HS3ST4: variants seen among roughly 807,000 people sequenced by gnomAD.
The protein encoded by HS3ST4 is heparan sulfate-glucosamine 3-sulfotransferase 4.
In HS3ST4, 17 loss-of-function variants were observed where a neutral mutation model predicts 29.2. The ratio of observed to expected loss-of-function variants is 0.58; its 90% confidence interval spans 0.40 to 0.87. The LOEUF (loss-of-function observed/expected upper bound fraction) is 0.87. HS3ST4 is among the 40% of genes least tolerant of loss of function. The pLI, the probability that HS3ST4 is intolerant of heterozygous loss-of-function variation, is 0.00. For synonymous variants in HS3ST4, 314 were observed against 285.7 expected (o/e 1.10, Z -1.00); for missense variants, 627 against 634.5 (o/e 0.99, Z 0.13).
rs563366410 is a variant in HS3ST4 at position 26,011,832 on chromosome 16, T to G, written c.735-123780T>G. Among the ~76,000 whole-genome samples the G allele has an allele frequency of 1.2e-4, 19 of 152,072 alleles. No homozygotes were observed. In the South Asian group the frequency reaches 2.5e-3, roughly 20 times the overall value. ...CCCTGTTTCATTAATCTATTAGGAATACTAGGAAGGATATATGAGGTTGAG... is the reference window on the plus strand; with the variant it reads ...CCCTGTTTCATTAATCTATTAGGAAGACTAGGAAGGATATATGAGGTTGAG... On this transcript the variant is annotated intron_variant, in intron 1 of 1. Coordinates refer to ENST00000331351, the MANE Select transcript of HS3ST4 (RefSeq NM_006040.3).
chr16:25,710,729 C>T (rs1007206387), intron 1 of HS3ST4, among the ~76,000 whole-genome samples: 3 of 148,700 alleles, frequency 2.0e-5, no homozygotes, highest in Admixed American at 6.7e-5. Flanking sequence ...CAGAAAAAGG[C>T]AAAATTTAAA....
At chr16:26,094,890 C>T (rs1437095113) in intron 1 of HS3ST4, among the ~76,000 whole-genome samples, 1 of 151,714 alleles carries the variant, frequency 6.6e-6, no homozygotes, top group Non-Finnish European at 1.5e-5. Context: ...CAAAGATGCA[C>T]ATAGGCTCAA....
intron 1 of HS3ST4, among the ~76,000 whole-genome samples, chr16:25,874,081 C>T (rs889787989): frequency 1.6e-4 from 25 of 152,104 alleles, no homozygotes; most frequent in African/African-American, 5.3e-4. Flanking sequence ...TTTTAATTCC[C>T]CTGTCCTCTC....
At chr16:25,887,766 C>T (rs1205146967) in intron 1 of HS3ST4, among the ~76,000 whole-genome samples, 1 of 141,184 alleles carries the variant, frequency 7.1e-6, no homozygotes, top group East Asian at 2.1e-4. Context: ...GGTGCTATCT[C>T]GGCTCACTGC....
At chr16:26,062,793 A>T (rs1249462011) in intron 1 of HS3ST4, 1 of 249,446 alleles carries the variant, frequency 4.0e-6, no homozygotes, top group African/African-American at 2.3e-5. Flanking sequence ...CTAAATAAGA[A>T]ATAATTCCTG....
In HS3ST4 at chr16:25,915,000, C is replaced by T. The variant is rs143763942; in HGVS notation, c.735-220612C>T. ...ATTTCACCAGGAAATCTTAGTTATG[C>T]GGGCTGCGCTGTGCATTGAGACAGG... On this transcript the variant is annotated intron_variant, in intron 1 of 1. Transcript: ENST00000331351. 7.3e-3 allele frequency among the ~76,000 whole-genome samples: 1,115 copies of T among 152,024 alleles called. 18 individuals are homozygous for T. Among genetic ancestry groups the T allele is most frequent in the African/African-American group, 0.025 (1,040 of 41,434 alleles).
At chr16:25,816,305 C>T (rs1407219126) in intron 1 of HS3ST4, among the ~76,000 whole-genome samples, 3 of 152,136 alleles carry the variant, frequency 2.0e-5, no homozygotes, top group African/African-American at 4.8e-5. Context: ...ATCCTCCAGA[C>T]GCAAGGTGGA....
At chr16:26,067,094 G>T (rs1898551601) in intron 1 of HS3ST4, among the ~76,000 whole-genome samples, 1 of 152,166 alleles carries the variant, frequency 6.6e-6, no homozygotes, top group Non-Finnish European at 1.5e-5. Flanking sequence ...AGGCTGCACT[G>T]GTTGCCCAGA....
intron 1 of HS3ST4, among the ~76,000 whole-genome samples, chr16:25,843,004 C>T (rs9938297): frequency 0.017 from 2,554 of 152,238 alleles, 71 homozygotes; most frequent in African/African-American, 0.057. Context: ...GCAAAAAGCA[C>T]GGAGTCTTCC....
At chr16:26,085,608 C>T (rs1054659402) in intron 1 of HS3ST4, among the ~76,000 whole-genome samples, 3 of 152,100 alleles carry the variant, frequency 2.0e-5, no homozygotes, top group African/African-American at 7.2e-5. Context: ...CAGTGGCTCA[C>T]GCCTATAATC....
intron 1 of HS3ST4, among the ~76,000 whole-genome samples, chr16:25,895,054 G>A (rs1383394417): frequency 1.3e-5 from 2 of 152,130 alleles, no homozygotes; most frequent in African/African-American, 4.8e-5. Flanking sequence ...TGTGATGAGA[G>A]TTATAACAAG....
At chr16:26,057,492 C>T (rs1244770700) in intron 1 of HS3ST4, among the ~76,000 whole-genome samples, 8 of 152,152 alleles carry the variant, frequency 5.3e-5, no homozygotes, top group Non-Finnish European at 7.3e-5. Flanking sequence ...CGGTGGCTCA[C>T]GCCTGTAATC....
At chr16:25,857,628 G>A (rs1967586698) in intron 1 of HS3ST4, among the ~76,000 whole-genome samples, 1 of 152,066 alleles carries the variant, frequency 6.6e-6, no homozygotes, top group Non-Finnish European at 1.5e-5. Context: ...TAGTTTTAGG[G>A]CTTTCTATTG....
intron 1 of HS3ST4, among the ~76,000 whole-genome samples, chr16:25,907,420 A>T (rs1044269202): frequency 6.6e-6 from 1 of 152,134 alleles, no homozygotes; most frequent in Non-Finnish European, 1.5e-5. Context: ...TTTCCACATT[A>T]GAGGTCACCT....
chr16:26,038,753 G>A (rs1257217327), intron 1 of HS3ST4, among the ~76,000 whole-genome samples: 14 of 151,886 alleles, frequency 9.2e-5, no homozygotes, highest in African/African-American at 2.7e-4. Flanking sequence ...GTGCGATCTC[G>A]GCTCACTGCA....
chr16:25,976,601 T>C (rs889298442), intron 1 of HS3ST4, among the ~76,000 whole-genome samples: 2 of 152,186 alleles, frequency 1.3e-5, no homozygotes, highest in Non-Finnish European at 2.9e-5. Context: ...ATGTCTGGAA[T>C]AGAGTGACAG....
At chr16:25,873,272 GTCCATTCATCCATCCATCCA>G (rs1405009629) in intron 1 of HS3ST4, among the ~76,000 whole-genome samples, 2 of 139,078 alleles carry the variant, frequency 1.4e-5, no homozygotes, top group South Asian at 2.4e-4. Context: ...CCATCCATTT[GTCCATTCATCCATCCATCCA>G]TCCATCCATC....
chr16:25,860,397 A>T (rs1425838650), intron 1 of HS3ST4, among the ~76,000 whole-genome samples: 1 of 152,168 alleles, frequency 6.6e-6, no homozygotes, highest in African/African-American at 2.4e-5. Context: ...CCACACAAAA[A>T]CCTGCACATG....
At chr16:25,801,259 C>A (rs1006084919) in intron 1 of HS3ST4, among the ~76,000 whole-genome samples, 1 of 152,132 alleles carries the variant, frequency 6.6e-6, no homozygotes, top group Admixed American at 6.5e-5. Context: ...AAGTTCTGAC[C>A]TATGCTGGTA....
Sources: gnomAD v4.1 joint callset for allele counts (sites outside exome capture counted in the v4.1 genomes callset) on GRCh38, gnomAD v4.1.1 for gene constraint, MANE v1.5 for transcripts, NCBI Gene and HGNC (gene_info 2026-07-23, HGNC 2026-07-21) for gene names.